BBS2: variants seen among roughly 807,000 people sequenced by gnomAD.
The protein encoded by BBS2 is BBSome complex member BBS2.
Under a neutral mutation model 83.0 loss-of-function variants are expected in BBS2, and 62 were observed. That is an observed-to-expected ratio of 0.75 (90% CI 0.61 to 0.92). The LOEUF (loss-of-function observed/expected upper bound fraction) is 0.92. BBS2 is among the 40% of genes least tolerant of loss of function. The pLI is 0.00. For synonymous variants in BBS2, 303 were observed against 326.1 expected, an observed-to-expected ratio of 0.93 and a Z score of 0.76; for missense variants, 784 against 901.0, an observed-to-expected ratio of 0.87 and a Z score of 1.66.
intron 4 of BBS2, 105 bp downstream of exon 4, chr16:56,510,754 A>C (rs1455388498): frequency 3.1e-5 from 39 of 1,266,120 alleles, no homozygotes; most frequent in Non-Finnish European, 4.4e-5. Flanking sequence ...ACAGAGCACC[A>C]AAATCAGCCA....
intron 17 of BBS2, chr16:56,475,442 T>A: frequency 2.1e-6 from 3 of 1,435,400 alleles, no homozygotes; most frequent in Non-Finnish European, 9.8e-7. Flanking sequence ...GATCAGTGAT[T>A]TAAGTAGATG....
chr16:56,494,962 G>GAA (rs575309401), intron 15 of BBS2, among the ~76,000 whole-genome samples: 8 of 86,570 alleles, frequency 9.2e-5, no homozygotes, highest in Admixed American at 2.5e-4. Context: ...ACTCCGTCTC[G>GAA]AAAAAAAAAA....
chr16:56,498,343 CA>C, intron 13 of BBS2, 93 bp downstream of exon 13: 1 of 1,493,028 alleles, frequency 6.7e-7, no homozygotes, highest in South Asian at 1.2e-5. Context: ...GTAAACACCA[CA>C]TGAGAAATCT....
intron 12 of BBS2, 138 bp downstream of exon 12, chr16:56,499,640 C>T: frequency 8.1e-7 from 1 of 1,233,360 alleles, no homozygotes; most frequent in South Asian, 1.2e-5. Context: ...TACAAGCCAC[C>T]CCCAAGTTAG....
At chr16:56,504,969 C>T (rs1964383439) in intron 7 of BBS2, among the ~76,000 whole-genome samples, 1 of 152,182 alleles carries the variant, frequency 6.6e-6, no homozygotes, top group Admixed American at 6.5e-5. Flanking sequence ...ATCCCTTGCC[C>T]CTTCCACCCT....
chr16:56,485,585 C>G lies in BBS2; in HGVS notation c.2059+5G>C. The G allele has an allele frequency of 6.2e-7, 1 of 1,614,074 alleles. No homozygotes were observed. The highest frequency in any genetic ancestry group is 8.5e-7 in the Non-Finnish European group (1 of 1,179,956). On this transcript the variant is annotated splice_donor_5th_base_variant and intron_variant, in intron 16 of 16. Coordinates refer to ENST00000245157, the MANE Select transcript of BBS2 (RefSeq NM_031885.5). Reference sequence around the variant, plus strand: ...CAAAGTGCAGTGTTATGAAAAGAGACTTACCCCGCAGACGACCTGCTCTTT... The same window carrying G: ...CAAAGTGCAGTGTTATGAAAAGAGAGTTACCCCGCAGACGACCTGCTCTTT...
intron 1 of BBS2, among the ~76,000 whole-genome samples, chr16:56,518,871 T>C (rs1260643219): frequency 4.2e-5 from 6 of 141,270 alleles, no homozygotes; most frequent in Non-Finnish European, 9.6e-5. Context: ...TGATTTCTCT[T>C]TTATCTCTTT....
chr16:56,490,112 T>TCACA (rs1166402599), intron 15 of BBS2, among the ~76,000 whole-genome samples: 3 of 137,894 alleles, frequency 2.2e-5, no homozygotes, highest in Non-Finnish European at 4.7e-5. Flanking sequence ...AGACCCTATC[T>TCACA]CACACACACA....
chr16:56,485,537 G>A, intron 16 of BBS2, 53 bp downstream of exon 16: 1 of 1,605,306 alleles, frequency 6.2e-7, no homozygotes, highest in Non-Finnish European at 8.5e-7. Flanking sequence ...TCTTCAATGA[G>A]TTCCACCAAA....
intron 17 of BBS2, chr16:56,478,783 A>G (rs1963585282): frequency 6.6e-6 from 1 of 152,180 alleles, no homozygotes; most frequent in Admixed American, 6.6e-5. Flanking sequence ...TCTTTTATAC[A>G]CTACAAAAAG....
At chr16:56,502,623 A>G in intron 8 of BBS2, 50 bp downstream of exon 8, 1 of 1,613,812 alleles carries the variant, frequency 6.2e-7, no homozygotes, top group East Asian at 2.2e-5. Context: ...ATTTTGACCC[A>G]ATCAAATGGA....
At chr16:56,483,654 T>C (rs1275294933), downstream of BBS2, among the ~76,000 whole-genome samples, 1 of 152,184 alleles carries the variant, frequency 6.6e-6, no homozygotes, top group Non-Finnish European at 1.5e-5. Context: ...ATTTGTTGTT[T>C]GCACCCATCT....
rs200587401 is a variant in BBS2, at chr16:56,511,142, T to C, written c.471+17A>G. 45 of 1,613,890 alleles carry C rather than the reference T, an allele frequency of 2.8e-5. No homozygotes were observed. In the African/African-American group the frequency reaches 5.5e-4, roughly 20 times the overall value. On this transcript the variant is annotated intron_variant, in intron 3 of 16. Transcript: ENST00000245157. ...AAATGCTTAAGGGTACCAAAAAGAA[T>C]GTTTTCTTCTTCATACCGTCCAAAA...
intron 17 of BBS2, chr16:56,476,327 G>C: frequency 1.1e-6 from 1 of 888,472 alleles, no homozygotes; most frequent in Non-Finnish European, 1.7e-6. Context: ...CTTAAAACTG[G>C]TTGTCTTTTA....
At chr16:56,514,075 G>A (rs1160316856) in intron 2 of BBS2, among the ~76,000 whole-genome samples, 1 of 152,178 alleles carries the variant, frequency 6.6e-6, no homozygotes, top group Non-Finnish European at 1.5e-5. Context: ...TAAAGTTGCA[G>A]CAGCCTGTAG....
At chr16:56,501,742 T>A in intron 9 of BBS2, 1 of 534,442 alleles carries the variant, frequency 1.9e-6, no homozygotes, top group Non-Finnish European at 3.3e-6. Context: ...ATCATGACTT[T>A]AACATTTTTG....
At chr16:56,512,495 T>C (rs376269886) in intron 2 of BBS2, among the ~76,000 whole-genome samples, 1 of 152,184 alleles carries the variant, frequency 6.6e-6, no homozygotes, top group African/African-American at 2.4e-5. Context: ...AAACAAACCA[T>C]AGTATATTCA....
intron 13 of BBS2, among the ~76,000 whole-genome samples, chr16:56,498,084 T>C (rs992386436): frequency 6.6e-6 from 1 of 152,182 alleles, no homozygotes; most frequent in Non-Finnish European, 1.5e-5. Context: ...TCCTCTGGCC[T>C]TAGAAATTAA....
In BBS2 at chr16:56,502,757, A is replaced by G; in HGVS notation, c.856T>C (p.Ser286Pro). The G allele has an allele frequency of 6.2e-7, 1 of 1,614,218 alleles. No individual in the cohort carries two copies. The highest frequency in any genetic ancestry group is 1.1e-5 in the South Asian group (1 of 91,086). The part of the protein sequence containing the change: ...TGEVIFKDNF[S>P]SAIAGVVEGD... Reference sequence around the variant, plus strand: ...TCTACCACACCGGCAATTGCAGAAGAAAAATTGTCCTTAAAGATGACCTCC... The same window carrying G: ...TCTACCACACCGGCAATTGCAGAAGGAAAATTGTCCTTAAAGATGACCTCC... The change falls in exon 8 of 17, where the codon TCT (serine) becomes CCT (proline). Residue 286 changes from serine to proline, a missense_variant. Physicochemically the swap from Ser to Pro is moderately conservative, Grantham distance 74. Transcript: ENST00000245157.
Sources: allele counts gnomAD v4.1 joint callset (sites outside exome capture counted in the v4.1 genomes callset), GRCh38; gene constraint gnomAD v4.1.1; transcripts MANE v1.5; gene names NCBI Gene and HGNC (gene_info 2026-07-23, HGNC 2026-07-21).